CSMD1: variants seen among roughly 807,000 people sequenced by gnomAD.
The protein encoded by CSMD1 is CUB and Sushi multiple domains 1, also known as CUB and sushi domain-containing protein 1.
In CSMD1, 213 loss-of-function variants were observed where a neutral mutation model predicts 417.5. The ratio of observed to expected loss-of-function variants is 0.51; its 90% CI spans 0.46 to 0.57. CSMD1 has a LOEUF of 0.57. Ranked by LOEUF, CSMD1 falls within the 20% of genes least tolerant of loss-of-function variation. CSMD1 has a pLI of 0.00. For synonymous variants in CSMD1, 2,862 were observed against 1,736.8 expected (o/e 1.65, Z -16.11); for missense variants, 6,923 against 4,529.7 (o/e 1.53, Z -15.17).
intron 23 of CSMD1, among the ~76,000 whole-genome samples, chr8:3,329,162 T>C (rs1019030946): frequency 6.6e-6 from 1 of 152,112 alleles, no homozygotes; most frequent in Non-Finnish European, 1.5e-5. Flanking sequence ...GGCGATGCCA[T>C]AGCACTCAAG....
At chr8:4,300,755 A>T (rs1438068334) in intron 3 of CSMD1, among the ~76,000 whole-genome samples, 2 of 152,016 alleles carry the variant, frequency 1.3e-5, no homozygotes, top group African/African-American at 4.8e-5. Context: ...TGGTTGTTCA[A>T]TTCCTCCCTA....
rs540935107 is a variant in CSMD1, at chr8:4,671,042, C to G, written c.86-33484G>C. Among the ~76,000 whole-genome samples, 16 of 152,300 alleles carry G rather than the reference C, an allele frequency of 1.1e-4. No individual in the cohort carries two copies. The South Asian group carries it at 3.1e-3, about 30-fold the overall frequency. On this transcript the variant is annotated intron_variant, in intron 1 of 69. Coordinates refer to ENST00000635120, the MANE Select transcript of CSMD1 (RefSeq NM_033225.6). ...GCTGCTGTTTTATCCACTAATAATT[C>G]TCAACACAGTCATTGCAAATATTAC...
chr8:4,067,612 C>T (rs1330183080), intron 3 of CSMD1, among the ~76,000 whole-genome samples: 3 of 152,068 alleles, frequency 2.0e-5, no homozygotes, highest in Non-Finnish European at 2.9e-5. Context: ...TTCTTTTATT[C>T]ATCCAAAATG....
intron 26 of CSMD1, among the ~76,000 whole-genome samples, chr8:3,280,940 C>T (rs1030367151): frequency 6.6e-6 from 1 of 152,038 alleles, no homozygotes; most frequent in Non-Finnish European, 1.5e-5. Flanking sequence ...CAGGTTTCAA[C>T]AGTGATTGTT....
chr8:4,494,154 G>A (rs1387917066), intron 2 of CSMD1, among the ~76,000 whole-genome samples: 1 of 152,138 alleles, frequency 6.6e-6, no homozygotes, highest in African/African-American at 2.4e-5. Flanking sequence ...AGATATTGTT[G>A]TTTCAAAAAC....
intron 12 of CSMD1, among the ~76,000 whole-genome samples, chr8:3,435,043 G>C (rs960005091): frequency 6.6e-6 from 1 of 152,022 alleles, no homozygotes; most frequent in Non-Finnish European, 1.5e-5. Flanking sequence ...TGGTAGCAGA[G>C]AGGACAGAAG....
chr8:3,643,663 T>A (rs1026047373), intron 7 of CSMD1, among the ~76,000 whole-genome samples: 3 of 131,370 alleles, frequency 2.3e-5, no homozygotes, highest in East Asian at 2.3e-4. Flanking sequence ...ATCGCGCCAC[T>A]GCACCCCAGC....
At chr8:3,159,939 G>C (rs1272301647) in intron 38 of CSMD1, among the ~76,000 whole-genome samples, 1 of 152,148 alleles carries the variant, frequency 6.6e-6, no homozygotes, top group Non-Finnish European at 1.5e-5. Flanking sequence ...AGAAAGAAGA[G>C]GAACATCGAT....
chr8:3,210,749 G>T (rs916941421), intron 30 of CSMD1, among the ~76,000 whole-genome samples: 10 of 150,302 alleles, frequency 6.7e-5, no homozygotes, highest in Admixed American at 1.3e-4. Flanking sequence ...CCACAGAAAA[G>T]GTATTTTTCC....
At chr8:4,888,883 T>G (rs966646250) in intron 1 of CSMD1, among the ~76,000 whole-genome samples, 2 of 152,100 alleles carry the variant, frequency 1.3e-5, no homozygotes, top group African/African-American at 4.8e-5. Context: ...AGCAAAGATT[T>G]GTAACCCATA....
At chr8:4,834,541 A>T in intron 1 of CSMD1, among the ~76,000 whole-genome samples, 1 of 152,338 alleles carries the variant, frequency 6.6e-6, no homozygotes, top group East Asian at 1.9e-4. Context: ...GAGCTTTCTG[A>T]AAACAACCAA....
chr8:3,237,744 ATTATAC>A (rs1161349830), intron 26 of CSMD1, among the ~76,000 whole-genome samples: 2 of 128,766 alleles, frequency 1.6e-5, no homozygotes, highest in East Asian at 2.2e-4. Context: ...AATTTTTATA[ATTATAC>A]TTATACTACA....
intron 1 of CSMD1, among the ~76,000 whole-genome samples, chr8:4,960,739 A>G (rs988711103): frequency 1.3e-5 from 2 of 152,178 alleles, no homozygotes; most frequent in South Asian, 2.1e-4. Context: ...TAAAATTGCA[A>G]ATTCCTTTAT....
intron 17 of CSMD1, among the ~76,000 whole-genome samples, chr8:3,395,042 T>G (rs1347678865): frequency 6.6e-6 from 1 of 152,156 alleles, no homozygotes; most frequent in Non-Finnish European, 1.5e-5. Flanking sequence ...TTAAATGTGC[T>G]GGAGTGGGGC....
chr8:3,161,625 A>G (rs927159632), intron 38 of CSMD1, among the ~76,000 whole-genome samples: 15 of 102,098 alleles, frequency 1.5e-4, no homozygotes, highest in East Asian at 7.6e-4. Context: ...TCCCTCTCAG[A>G]AAAAAAAAAA....
chr8:4,283,640 G>A (rs1796906769), intron 3 of CSMD1, among the ~76,000 whole-genome samples: 1 of 152,150 alleles, frequency 6.6e-6, no homozygotes, highest in Non-Finnish European at 1.5e-5. Flanking sequence ...TGTGGGTAGA[G>A]ATGGACAAAA....
intron 2 of CSMD1, among the ~76,000 whole-genome samples, chr8:4,629,866 G>A (rs1375645127): frequency 6.6e-6 from 1 of 152,080 alleles, no homozygotes; most frequent in Non-Finnish European, 1.5e-5. Flanking sequence ...TTGTTCTTCT[G>A]TTCCCTTTGT....
chr8:3,794,278 T>A (rs1799918254), intron 5 of CSMD1, among the ~76,000 whole-genome samples: 1 of 152,190 alleles, frequency 6.6e-6, no homozygotes, highest in Admixed American at 6.5e-5. Context: ...CTTCCCTTAG[T>A]ATTCCTAGGT....
chr8:4,830,208 G>A lies in CSMD1; in HGVS notation c.85+164124C>T, dbSNP rs1276937166. Among the ~76,000 whole-genome samples the A allele has an allele frequency of 4.6e-5, 7 of 152,162 alleles. No individual in the cohort carries two copies. The South Asian group carries it at 1.2e-3, about 27-fold the overall frequency. On this transcript the variant is annotated intron_variant, in intron 1 of 69. Transcript: ENST00000635120. Reference sequence around the variant, plus strand: ...AATGGGATTGTGAAACAGACAAAGTGCTTCTAATTTTCAGCCTCACCTCAA... The same window carrying A: ...AATGGGATTGTGAAACAGACAAAGTACTTCTAATTTTCAGCCTCACCTCAA...
Sources: gnomAD v4.1 joint callset for allele counts (sites outside exome capture counted in the v4.1 genomes callset) on GRCh38, gnomAD v4.1.1 for gene constraint, MANE v1.5 for transcripts, NCBI Gene and HGNC (gene_info 2026-07-23, HGNC 2026-07-21) for gene names.